ROBO2: variants seen among roughly 807,000 people sequenced by gnomAD.
ROBO2 encodes the protein roundabout homolog 2.
Under a neutral mutation model 160.8 loss-of-function variants are expected in ROBO2, and 53 were observed. The observed-to-expected ratio is 0.33, with a 90% CI of 0.26 to 0.41. ROBO2 has a LOEUF of 0.41. Ranked by LOEUF, ROBO2 falls within the 10% of genes least tolerant of loss-of-function variation. The probability of loss-of-function intolerance (pLI) is 1.00; values close to 1 mark genes in which losing one functional copy is unlikely to be tolerated. For synonymous variants in ROBO2, 664 were observed against 611.7 expected (o/e 1.09, Z -1.26); for missense variants, 1,577 against 1,722.4 (o/e 0.92, Z 1.49).
chr3:76,141,321 G>C lies in ROBO2; in HGVS notation c.109+203719G>C, dbSNP rs866525331. 5.3e-5 allele frequency among the ~76,000 whole-genome samples: 8 copies of C among 149,546 alleles called. No individual in the cohort carries two copies. In the South Asian group the frequency reaches 1.3e-3, roughly 24 times the overall value. ...AATGGATATAATACTGACAGCCAAA[G>C]TTAGGAAGGAAAGACATTCTAATCA... On this transcript the variant is annotated intron_variant, in intron 2 of 26. Coordinates refer to the ROBO2 transcript ENST00000487694.
At chr3:76,263,455 T>A (rs1421033075) in intron 2 of ROBO2, among the ~76,000 whole-genome samples, 4 of 152,084 alleles carry the variant, frequency 2.6e-5, no homozygotes, top group Non-Finnish European at 5.9e-5. Context: ...ACTTCTGGAC[T>A]CAAGGAATCC....
At chr3:77,260,536 A>G (rs2058708533) in intron 2 of ROBO2, among the ~76,000 whole-genome samples, 1 of 152,152 alleles carries the variant, frequency 6.6e-6, no homozygotes, top group African/African-American at 2.4e-5. Flanking sequence ...ATTCAAGCAG[A>G]TTCATGGTTT....
intron 2 of ROBO2, among the ~76,000 whole-genome samples, chr3:76,605,754 G>T (rs1189382399): frequency 2.0e-5 from 3 of 152,086 alleles, no homozygotes; most frequent in African/African-American, 4.8e-5. Context: ...TGGTAGTTAT[G>T]CTCAAGTATT....
chr3:77,189,570 C>T (rs562319537), intron 2 of ROBO2, among the ~76,000 whole-genome samples: 4 of 151,974 alleles, frequency 2.6e-5, no homozygotes, highest in Admixed American at 2.0e-4. Context: ...GTTTCTTGAA[C>T]ACCGAGTTTA....
At chr3:76,491,751 T>G (rs997502653) in intron 2 of ROBO2, among the ~76,000 whole-genome samples, 6 of 152,184 alleles carry the variant, frequency 3.9e-5, no homozygotes, top group African/African-American at 1.2e-4. Flanking sequence ...TATTCTCCCC[T>G]CTTTTCCCTC....
intron 2 of ROBO2, among the ~76,000 whole-genome samples, chr3:76,258,594 C>A (rs1706547441): frequency 6.6e-6 from 1 of 151,906 alleles, no homozygotes; most frequent in Non-Finnish European, 1.5e-5. Flanking sequence ...TATCTGGTTT[C>A]TTTCATGGTT....
At chr3:77,538,782 T>A (rs757811689) in intron 6 of ROBO2, 19 of 393,184 alleles carry the variant, frequency 4.8e-5, no homozygotes, top group African/African-American at 1.3e-4. Context: ...CCAAACTGAG[T>A]TGAATATAAA....
chr3:76,115,009 G>A (rs958053832), intron 2 of ROBO2, among the ~76,000 whole-genome samples: 4 of 152,106 alleles, frequency 2.6e-5, no homozygotes, highest in African/African-American at 7.2e-5. Flanking sequence ...TGATAGTTCC[G>A]GGATTTCATT....
At chr3:76,383,716 T>C (rs1465986898) in intron 2 of ROBO2, among the ~76,000 whole-genome samples, 1 of 151,100 alleles carries the variant, frequency 6.6e-6, no homozygotes, top group East Asian at 1.9e-4. Flanking sequence ...AGGTCAGTCA[T>C]AATGAAAAAA....
intron 2 of ROBO2, among the ~76,000 whole-genome samples, chr3:76,974,112 T>C (rs1331179440): frequency 6.6e-6 from 1 of 152,188 alleles, no homozygotes; most frequent in South Asian, 2.1e-4. Flanking sequence ...CTCATTCATA[T>C]AGCAAATAAA....
At chr3:77,095,408 G>A (rs916448857) in intron 1 of ROBO2, among the ~76,000 whole-genome samples, 1 of 151,836 alleles carries the variant, frequency 6.6e-6, no homozygotes, top group Non-Finnish European at 1.5e-5. Flanking sequence ...GTAAGTATTA[G>A]CATATTTCAG....
Position 77,429,588 on chromosome 3 carries a change from A to G in ROBO2, c.389-47826A>G, listed in dbSNP as rs1458708265. ...GGTTGTAAGTAATAGAAAACAGTTC[A>G]AAATTGCTCATGTAAAAAGCAGGGT... On this transcript the variant is annotated intron_variant, in intron 2 of 25. Coordinates refer to ENST00000461745, the Ensembl canonical transcript of ROBO2. Among the ~76,000 whole-genome samples the G allele has an allele frequency of 2.0e-5, 3 of 148,786 alleles. No homozygotes were observed. The East Asian group carries it at 6.0e-4, about 30-fold the overall frequency.
At chr3:76,159,368 A>T (rs2106909223) in intron 2 of ROBO2, among the ~76,000 whole-genome samples, 1 of 152,284 alleles carries the variant, frequency 6.6e-6, no homozygotes, top group East Asian at 1.9e-4. Context: ...CTTTTTTCTA[A>T]AGCCAGTAAT....
intron 2 of ROBO2, among the ~76,000 whole-genome samples, chr3:76,252,611 G>A (rs1043335083): frequency 6.6e-6 from 1 of 151,736 alleles, no homozygotes; most frequent in Non-Finnish European, 1.5e-5. Context: ...GATGTTTTAT[G>A]TGAAAGACAG....
intron 2 of ROBO2, among the ~76,000 whole-genome samples, chr3:76,074,377 C>T (rs1240623293): frequency 6.6e-6 from 1 of 152,114 alleles, no homozygotes; most frequent in African/African-American, 2.4e-5. Flanking sequence ...TAAGGCAGGG[C>T]AAGAGAGAAG....
intron 2 of ROBO2, among the ~76,000 whole-genome samples, chr3:76,620,596 G>A (rs921365392): frequency 4.6e-5 from 7 of 152,040 alleles, no homozygotes; most frequent in African/African-American, 1.7e-4. Context: ...TAATTTTTAT[G>A]TGTTTAATAT....
At chr3:76,948,695 G>T (rs374047054) in intron 2 of ROBO2, among the ~76,000 whole-genome samples, 4 of 143,494 alleles carry the variant, frequency 2.8e-5, no homozygotes, top group South Asian at 4.3e-4. Flanking sequence ...CTCCACTGAG[G>T]CTATAATTAT....
At chr3:76,267,266 G>T (rs1237362978) in intron 2 of ROBO2, among the ~76,000 whole-genome samples, 1 of 152,210 alleles carries the variant, frequency 6.6e-6, no homozygotes, top group Middle Eastern at 3.4e-3. Flanking sequence ...TTGGCAAATA[G>T]ATTTATTTTT....
chr3:76,847,071 C>T (rs757694381), intron 2 of ROBO2, among the ~76,000 whole-genome samples: 1 of 152,106 alleles, frequency 6.6e-6, no homozygotes, highest in Non-Finnish European at 1.5e-5. Flanking sequence ...ACACCCAGTG[C>T]CTACGTGGTT....
Sources: allele counts gnomAD v4.1 joint callset (sites outside exome capture counted in the v4.1 genomes callset), GRCh38; gene constraint gnomAD v4.1.1; transcripts MANE v1.5; gene names NCBI Gene and HGNC (gene_info 2026-07-23, HGNC 2026-07-21).